Variants in PATJ observed in about 807,000 individuals in gnomAD.
PATJ encodes the protein inaD-like protein.
In PATJ, 190 loss-of-function variants were observed where a neutral mutation model predicts 224.9. That is an observed-to-expected ratio of 0.84 (90% CI 0.75 to 0.95). The LOEUF (loss-of-function observed/expected upper bound fraction) is 0.95. Ranked by LOEUF, PATJ falls within the 40% of genes least tolerant of loss-of-function variation. PATJ has a pLI of 0.00. For synonymous variants in PATJ, 769 were observed against 820.3 expected (o/e 0.94, Z 1.07); for missense variants, 2,121 against 2,270.3 (o/e 0.93, Z 1.34).
At chr1:62,087,564 C>G (rs1457810658) in intron 33 of PATJ, among the ~76,000 whole-genome samples, 4 of 151,888 alleles carry the variant, frequency 2.6e-5, no homozygotes, top group African/African-American at 9.7e-5. Context: ...CCATGTCTGC[C>G]TAGAATTTCT....
chr1:61,743,254 C>T (rs1174019056), intron 1 of PATJ, among the ~76,000 whole-genome samples: 1 of 152,234 alleles, frequency 6.6e-6, no homozygotes, highest in African/African-American at 2.4e-5. Context: ...TCCTGGACTC[C>T]TGCTTTTAAA....
chr1:62,125,468 G>T (rs1665628560), intron 39 of PATJ, among the ~76,000 whole-genome samples: 2 of 152,006 alleles, frequency 1.3e-5, no homozygotes, highest in Admixed American at 1.3e-4. Flanking sequence ...ATTAGCTACA[G>T]CTTTGACTAA....
chr1:61,990,410 G>A (rs775344670), intron 28 of PATJ, 46 bp downstream of exon 28: 3 of 1,388,138 alleles, frequency 2.2e-6, no homozygotes, highest in East Asian at 2.4e-5. Context: ...AAGTGGATGG[G>A]TGCAGTGGAT....
intron 39 of PATJ, among the ~76,000 whole-genome samples, chr1:62,124,218 GACT>G (rs1665434310): frequency 6.6e-6 from 1 of 152,068 alleles, no homozygotes; most frequent in African/African-American, 2.4e-5. Flanking sequence ...AAGTAGCTGA[GACT>G]ACAGGCACAC....
chr1:61,895,360 A>G (rs997370535), intron 22 of PATJ, among the ~76,000 whole-genome samples: 2 of 152,236 alleles, frequency 1.3e-5, no homozygotes, highest in Admixed American at 6.5e-5. Flanking sequence ...AGCTCCTCCC[A>G]TCACAGTCCC....
chr1:61,952,634 T>C (rs1446287084), intron 27 of PATJ, among the ~76,000 whole-genome samples: 2 of 152,234 alleles, frequency 1.3e-5, no homozygotes. Context: ...TGAATGTCCT[T>C]ATGATGTTTT....
In PATJ at chr1:62,163,555, A is replaced by G. The variant is rs1669983730; in HGVS notation, c.*2501A>G. The stretch of plus-strand genomic sequence containing the variant: ...CATTATCCTTTTAGGTCGTGCTAGT[A>G]AAAGTATATTGATGAAGGAATTATG... On this transcript the variant is annotated 3_prime_UTR_variant, in exon 44 of 44. Coordinates refer to ENST00000642238, the MANE Select transcript of PATJ (RefSeq NM_001350145.3). 1 of 152,594 alleles carries G rather than the reference A, an allele frequency of 6.6e-6. No homozygotes were observed. The highest frequency in any genetic ancestry group is 1.5e-5 in the Non-Finnish European group (1 of 68,038). The allele number at this position is 152,594 out of a possible 1,614,324, so 9.5% of individuals were successfully genotyped here. A position where few individuals can be genotyped will look rare whatever the true frequency, so the allele number is the denominator to read the frequency against.
At chr1:61,934,454 C>T (rs749070199) in intron 27 of PATJ, among the ~76,000 whole-genome samples, 3 of 152,234 alleles carry the variant, frequency 2.0e-5, no homozygotes, top group East Asian at 1.9e-4. Context: ...AGTAATTACA[C>T]GGTAATAATC....
At chr1:61,916,447 A>G (rs1475077552) in intron 26 of PATJ, among the ~76,000 whole-genome samples, 1 of 152,016 alleles carries the variant, frequency 6.6e-6, no homozygotes, top group African/African-American at 2.4e-5. Flanking sequence ...TCCCTTTCCA[A>G]TCTTTCTTTC....
At chr1:61,977,074 T>C (rs1458455337) in intron 27 of PATJ, among the ~76,000 whole-genome samples, 1 of 152,004 alleles carries the variant, frequency 6.6e-6, no homozygotes, top group Non-Finnish European at 1.5e-5. Flanking sequence ...CCTCACATGA[T>C]AGTATTTTTT....
At chr1:61,837,037 A>G (rs1208058942) in intron 17 of PATJ, among the ~76,000 whole-genome samples, 1 of 152,248 alleles carries the variant, frequency 6.6e-6, no homozygotes, top group East Asian at 1.9e-4. Flanking sequence ...TTTCTCATGA[A>G]CAGCCTTTTC....
intron 30 of PATJ, among the ~76,000 whole-genome samples, chr1:62,043,110 CT>C (rs772712887): frequency 5.8e-4 from 88 of 152,268 alleles, no homozygotes; most frequent in Non-Finnish European, 1.1e-3. Context: ...TACCAATTAC[CT>C]GTGGGCATAC....
At chr1:61,918,140 G>C (rs749273660) in intron 26 of PATJ, 1 of 151,500 alleles carries the variant, frequency 6.6e-6, no homozygotes, top group Non-Finnish European at 1.5e-5. Flanking sequence ...TTGTGGGCCT[G>C]TGTTTTCTAT....
intron 24 of PATJ, 46 bp from the exon 25 acceptor site, chr1:61,908,326 A>G (rs373507404): frequency 3.2e-6 from 4 of 1,262,850 alleles, no homozygotes; most frequent in Non-Finnish European, 3.5e-6. Context: ...CCTGTCCACA[A>G]TATCTAGTGC....
At chr1:62,029,922 A>G (rs1648880722) in intron 29 of PATJ, among the ~76,000 whole-genome samples, 3 of 152,336 alleles carry the variant, frequency 2.0e-5, no homozygotes, top group Admixed American at 6.5e-5. Flanking sequence ...CAGGCAAAAC[A>G]AACATCCATA....
At chr1:61,769,482 A>G (rs1646478254) in intron 5 of PATJ, 60 bp downstream of exon 5, 4 of 1,522,042 alleles carry the variant, frequency 2.6e-6, no homozygotes, top group African/African-American at 1.4e-5. Context: ...GAAAACTATT[A>G]TAAAGAGAGT....
chr1:61,880,606 C>T (rs538208610), intron 21 of PATJ, among the ~76,000 whole-genome samples: 6 of 152,260 alleles, frequency 3.9e-5, no homozygotes, highest in Non-Finnish European at 8.8e-5. Flanking sequence ...TAGATGTCCA[C>T]AATCTTGATA....
intron 1 of PATJ, among the ~76,000 whole-genome samples, chr1:61,755,414 A>T (rs1645584562): frequency 6.6e-6 from 1 of 152,090 alleles, no homozygotes; most frequent in African/African-American, 2.4e-5. Flanking sequence ...ATATGTTAGT[A>T]TAGTAGTATA....
chr1:62,028,348 T>C (rs1648448435), intron 29 of PATJ, among the ~76,000 whole-genome samples: 1 of 152,160 alleles, frequency 6.6e-6, no homozygotes, highest in South Asian at 2.1e-4. Context: ...GGATTACAGA[T>C]GCACCCCATC....
Sources: gnomAD v4.1 joint callset for allele counts (sites outside exome capture counted in the v4.1 genomes callset) on GRCh38, gnomAD v4.1.1 for gene constraint, MANE v1.5 for transcripts, NCBI Gene and HGNC (gene_info 2026-07-23, HGNC 2026-07-21) for gene names.